CRLF2: variants seen among roughly 807,000 people sequenced by gnomAD.
CRLF2 encodes the protein cytokine receptor-like factor 2.
CRLF2 carries 41 observed loss-of-function variants against 38.7 expected under a neutral mutation model. The observed-to-expected ratio is 1.06, with a 90% CI of 0.83 to 1.37. The LOEUF (loss-of-function observed/expected upper bound fraction) is 1.37, where lower values mean the gene tolerates loss of function less well. Among genes scored for constraint, CRLF2 ranks in the 40% most tolerant of loss-of-function variants. The pLI is 0.00. For missense variants in CRLF2, 377 were observed against 322.2 expected, an observed-to-expected ratio of 1.17 and a Z score of -1.30; for synonymous variants, 140 against 128.8, an observed-to-expected ratio of 1.09 and a Z score of -0.59.
rs1220095556 is a variant in CRLF2 at position 1,205,293 on chromosome X, C to T, written c.349+1140G>A. On this transcript the variant is annotated intron_variant, in intron 3 of 7. Coordinates refer to ENST00000400841, the MANE Select transcript of CRLF2 (RefSeq NM_022148.4). ...CACCGGGCTCTAGTGGCCAATGGTC[C>T]ATGAGCTTGATTTTCAGAACTTAAC... Among the ~76,000 whole-genome samples the T allele has an allele frequency of 2.0e-5, 3 of 152,164 alleles. No homozygotes were observed. In the South Asian group the frequency reaches 6.2e-4, roughly 32 times the overall value.
intron 7 of CRLF2, among the ~76,000 whole-genome samples, chrX:1,191,732 T>C (rs1404720650): frequency 1.3e-5 from 2 of 149,672 alleles, no homozygotes; most frequent in African/African-American, 2.5e-5. Context: ...GGTTTCACCA[T>C]GTTGGTCAGG....
intron 3 of CRLF2, among the ~76,000 whole-genome samples, chrX:1,205,723 T>C (rs1480817510): frequency 1.3e-5 from 2 of 149,632 alleles, no homozygotes; most frequent in Non-Finnish European, 3.0e-5. Flanking sequence ...TGCGACTTGC[T>C]AGAGCTTGCT....
chrX:1,204,150 C>CTGTGTGTGTGTGTGTGTG (rs782552615), intron 3 of CRLF2, among the ~76,000 whole-genome samples: 20,314 of 124,318 alleles, frequency 0.16, 2,020 homozygotes, highest in Middle Eastern at 0.25. Flanking sequence ...CCAGCTCACT[C>CTGTGTGTGTGTGTGTGTG]TGTGTGTGTG....
chrX:1,198,355 TCCCTC>T, intron 5 of CRLF2, among the ~76,000 whole-genome samples: 9 of 125,258 alleles, frequency 7.2e-5, no homozygotes, highest in Admixed American at 8.6e-5. Context: ...CAGGACAGCC[TCCCTC>T]CCACCTCCCG....
At chrX:1,196,187 AT>A (rs753943213) in intron 6 of CRLF2, among the ~76,000 whole-genome samples, 71,578 of 119,260 alleles carry the variant, frequency 0.6, 21,254 homozygotes, top group East Asian at 0.68. Flanking sequence ...GGCAGGGCTA[AT>A]TTTTTTTTTT....
intron 1 of CRLF2, among the ~76,000 whole-genome samples, chrX:1,211,500 GATAAAAGTGTGGGTGAATGC>G (rs1469157927): frequency 1.0e-4 from 6 of 59,458 alleles, no homozygotes; most frequent in Non-Finnish European, 1.6e-4. Context: ...TGGATAAGTG[GATAAAAGTGTGGGTGAATGC>G]ATGGATAGAT....
intron 1 of CRLF2, among the ~76,000 whole-genome samples, chrX:1,209,566 C>A (rs1407556364): frequency 6.6e-6 from 1 of 151,774 alleles, no homozygotes; most frequent in Admixed American, 6.6e-5. Flanking sequence ...CTCCTGACCT[C>A]GTGATCCGCC....
At chrX:1,191,525 C>T (rs1158847835) in intron 7 of CRLF2, among the ~76,000 whole-genome samples, 2 of 147,718 alleles carry the variant, frequency 1.4e-5, no homozygotes, top group South Asian at 2.1e-4. Flanking sequence ...CCCTTGTAAA[C>T]CAAAAATAAA....
At position 1,206,613 on chromosome X, in the gene CRLF2, C is replaced by T. The variant is rs2086696097; in HGVS notation, c.183-14G>A. On this transcript the variant is annotated splice_polypyrimidine_tract_variant and intron_variant, in intron 2 of 7. Coordinates refer to ENST00000400841, the MANE Select transcript of CRLF2 (RefSeq NM_022148.4). Reference sequence around the variant, plus strand: ...TCACCGTTGAATCTGTGGTTTAAAACGATGACCATTCAGCAACAAAACAAA... The same window carrying T: ...TCACCGTTGAATCTGTGGTTTAAAATGATGACCATTCAGCAACAAAACAAA... 2.5e-6 allele frequency: 4 copies of T among 1,610,794 alleles called. No homozygotes were observed. The highest frequency in any genetic ancestry group is 3.4e-6 in the Non-Finnish European group (4 of 1,177,640).
At chrX:1,205,073 C>T (rs1335750757) in intron 3 of CRLF2, among the ~76,000 whole-genome samples, 1 of 152,188 alleles carries the variant, frequency 6.6e-6, no homozygotes, top group Non-Finnish European at 1.5e-5. Context: ...GTGATCCGCC[C>T]GCCTTGGCCT....
At chrX:1,200,532 CTG>C in intron 4 of CRLF2, among the ~76,000 whole-genome samples, 1 of 148,470 alleles carries the variant, frequency 6.7e-6, no homozygotes, top group Admixed American at 6.8e-5. Flanking sequence ...TGTATATAAG[CTG>C]TGTATATATG....
chrX:1,204,150 C>CTGTGTGTGTG (rs782552615), intron 3 of CRLF2, among the ~76,000 whole-genome samples: 1,859 of 124,742 alleles, frequency 0.015, 45 homozygotes, highest in African/African-American at 0.043. Context: ...CCAGCTCACT[C>CTGTGTGTGTG]TGTGTGTGTG....
At chrX:1,198,339 C>CCAG (rs1372292220) in intron 5 of CRLF2, among the ~76,000 whole-genome samples, 9 of 44,384 alleles carry the variant, frequency 2.0e-4, no homozygotes, top group South Asian at 6.9e-4. Context: ...CCTCCCACCT[C>CCAG]GAAGGCAGGA....
intron 2 of CRLF2, among the ~76,000 whole-genome samples, chrX:1,208,572 C>A (rs1458222516): frequency 1.3e-5 from 2 of 151,678 alleles, no homozygotes; most frequent in Admixed American, 1.3e-4. Flanking sequence ...TAAAAACAAA[C>A]AAAAAAAAGA....
intron 6 of CRLF2, among the ~76,000 whole-genome samples, chrX:1,195,436 C>T (rs1323604419): frequency 2.8e-4 from 42 of 151,904 alleles, no homozygotes; most frequent in African/African-American, 9.2e-4. Context: ...GAGACAGGAT[C>T]GTGCTCTGTC....
chrX:1,198,937 TCG>T (rs1399079865), intron 4 of CRLF2: 18 of 592,046 alleles, frequency 3.0e-5, no homozygotes, highest in Non-Finnish European at 4.8e-5. Context: ...TCACCTGAGG[TCG>T]CAAGTTCGAG....
chrX:1,196,934 C>T, intron 5 of CRLF2, 34 bp from the exon 6 acceptor site: 1 of 1,607,462 alleles, frequency 6.2e-7, no homozygotes, highest in African/African-American at 1.3e-5. Flanking sequence ...TGTCAGTTTT[C>T]AACATGACGT....
intron 7 of CRLF2, among the ~76,000 whole-genome samples, chrX:1,191,392 C>G (rs2086379025): frequency 1.5e-5 from 2 of 131,352 alleles, no homozygotes; most frequent in African/African-American, 2.8e-5. Flanking sequence ...TTCTCTCTTT[C>G]TCTCTTTCTT....
chrX:1,192,679 CTTTTTCTCTTTCT>C (rs2086406662), intron 7 of CRLF2, among the ~76,000 whole-genome samples: 2 of 143,748 alleles, frequency 1.4e-5, no homozygotes, highest in Admixed American at 1.4e-4. Context: ...CTTTCTCTTT[CTTTTTCTCTTTCT>C]TTTTCTTTTC....
Sources: allele counts gnomAD v4.1 joint callset (sites outside exome capture counted in the v4.1 genomes callset), GRCh38; gene constraint gnomAD v4.1.1; transcripts MANE v1.5; gene names NCBI Gene and HGNC (gene_info 2026-07-23, HGNC 2026-07-21).